Variants in MBD5 observed in about 807,000 individuals in gnomAD.
MBD5 encodes the protein methyl-CpG-binding domain protein 5.
Under a neutral mutation model 117.3 loss-of-function variants are expected in MBD5, and 13 were observed. The ratio of observed to expected loss-of-function variants is 0.11; its 90% CI spans 0.07 to 0.18. The LOEUF (loss-of-function observed/expected upper bound fraction) is 0.18. MBD5 is among the 10% of genes least tolerant of loss of function. The probability of loss-of-function intolerance (pLI) is 1.00; values close to 1 mark genes in which losing one functional copy is unlikely to be tolerated. For missense variants in MBD5, 1,879 were observed against 2,093.8 expected, an observed-to-expected ratio of 0.90 and a Z score of 2.00; for synonymous variants, 727 against 766.4, an observed-to-expected ratio of 0.95 and a Z score of 0.85.
chr2:148,217,009 C>T (rs1699573323), intron 2 of MBD5, among the ~76,000 whole-genome samples: 1 of 152,188 alleles, frequency 6.6e-6, no homozygotes, highest in South Asian at 2.1e-4. Flanking sequence ...AATGTTTATC[C>T]AGAAACTGCT....
chr2:148,286,764 A>T (rs1354071355), intron 3 of MBD5, among the ~76,000 whole-genome samples: 1 of 152,190 alleles, frequency 6.6e-6, no homozygotes, highest in Non-Finnish European at 1.5e-5. Context: ...CAGGACAAGG[A>T]ATCTAAATGA....
At chr2:148,409,248 C>T (rs866206889) in intron 4 of MBD5, among the ~76,000 whole-genome samples, 4 of 151,668 alleles carry the variant, frequency 2.6e-5, no homozygotes, top group African/African-American at 2.4e-5. Context: ...ATTAGCCAGA[C>T]GTTATGGCAC....
rs747948310 is a variant in MBD5 at position 148,490,229 on chromosome 2, G to A, written c.4597G>A (p.Gly1533Arg). The A allele has an allele frequency of 3.1e-6, 5 of 1,614,064 alleles. No individual in the cohort carries two copies. The highest frequency in any genetic ancestry group is 3.3e-5 in the Admixed American group (2 of 60,008). The change falls in exon 11 of 14, where the codon GGA becomes AGA. Residue 1533 changes from glycine (G) to arginine (R), a missense_variant. Around this residue, in one of 4 missense-constraint regions of MBD5, gnomAD observed 1,666 missense variants for 1,792.2 expected, o/e 0.93. Coordinates refer to ENST00000642680, the MANE Select transcript of MBD5 (RefSeq NM_001378120.1). Reference sequence around the variant, plus strand: ...TGGGAATAGACCTCGACAGAGTCGGGGATTTGGAGAGCTGCTAAGCACTGC... The same window carrying A: ...TGGGAATAGACCTCGACAGAGTCGGAGATTTGGAGAGCTGCTAAGCACTGC... ...INGNRPRQSR[G>R]FGELLSTAKQ...
chr2:148,085,786 A>G (rs917193420), intron 1 of MBD5, among the ~76,000 whole-genome samples: 1 of 152,230 alleles, frequency 6.6e-6, no homozygotes, highest in Admixed American at 6.5e-5. Context: ...GGTAATCATG[A>G]ACCATCCATA....
intron 1 of MBD5, among the ~76,000 whole-genome samples, chr2:148,032,100 A>G (rs1694054438): frequency 6.6e-6 from 1 of 152,084 alleles, no homozygotes; most frequent in African/African-American, 2.4e-5. Flanking sequence ...CTAAAATGTC[A>G]TAGTGAATTT....
chr2:148,059,802 C>A (rs1694977486), intron 1 of MBD5, among the ~76,000 whole-genome samples: 1 of 150,784 alleles, frequency 6.6e-6, no homozygotes, highest in South Asian at 2.1e-4. Context: ...GCCAAGATCG[C>A]GCCACTGCAC....
rs149166431 is a variant in MBD5 at position 148,333,607 on chromosome 2, C to T, written c.-679-8607C>T. Among the ~76,000 whole-genome samples the T allele has an allele frequency of 9.6e-3, 1,452 of 151,584 alleles. 20 individuals carry two copies. Among genetic ancestry groups the T allele is most frequent in the African/African-American group, 0.034 (1,388 of 41,282 alleles). On this transcript the variant is annotated intron_variant, in intron 3 of 13. Transcript: ENST00000642680. Reference sequence around the variant, plus strand: ...CTATAATCCCAGCACTTTGGGAGGCCGAGGCAGGTGGATCACTTGAGGTCA... The same window carrying T: ...CTATAATCCCAGCACTTTGGGAGGCTGAGGCAGGTGGATCACTTGAGGTCA...
rs779460414 is a variant in MBD5, at chr2:148,468,362, C to T, written c.419C>T (p.Ser140Phe). 2 of 1,613,570 alleles carry T rather than the reference C, an allele frequency of 1.2e-6. No homozygotes were observed. The highest frequency in any genetic ancestry group is 1.7e-6 in the Non-Finnish European group (2 of 1,179,744). Residue 140 changes from serine to phenylalanine, a missense_variant, in exon 8 of 14, where the codon TCT (serine) becomes TTT (phenylalanine). Transcript: ENST00000642680. The part of the protein sequence containing the change: ...GGTNATPVVP[S>F]RAATPRSVRN... ...TCAGATGCAACTCCAGTAGTACCTT[C>T]TCGGGCAGCAACTCCAAGATCAGTA... is the stretch of plus-strand genomic sequence containing the variant.
intron 3 of MBD5, among the ~76,000 whole-genome samples, chr2:148,262,995 T>G (rs1248187864): frequency 6.6e-6 from 1 of 152,192 alleles, no homozygotes; most frequent in Non-Finnish European, 1.5e-5. Flanking sequence ...TTCTGATACA[T>G]GAACACTGAG....
chr2:148,411,253 C>G (rs1201104861), intron 4 of MBD5, among the ~76,000 whole-genome samples: 1 of 152,034 alleles, frequency 6.6e-6, no homozygotes, highest in African/African-American at 2.4e-5. Context: ...TTAATCCAGT[C>G]TACTATTGAT....
intron 2 of MBD5, among the ~76,000 whole-genome samples, chr2:148,205,751 T>G (rs929793661): frequency 6.6e-6 from 1 of 152,116 alleles, no homozygotes; most frequent in African/African-American, 2.4e-5. Context: ...ATAGGCAGGC[T>G]GCAATGGCTC....
chr2:148,328,139 T>C (rs1354214263), intron 3 of MBD5, among the ~76,000 whole-genome samples: 20 of 152,302 alleles, frequency 1.3e-4, no homozygotes, highest in Admixed American at 3.3e-4. Context: ...GGGTGCCTCC[T>C]AGTTAGGCTG....
At chr2:148,267,721 G>A (rs749526684) in intron 3 of MBD5, among the ~76,000 whole-genome samples, 1 of 151,774 alleles carries the variant, frequency 6.6e-6, no homozygotes, top group Non-Finnish European at 1.5e-5. Flanking sequence ...ATGTTTGTTT[G>A]CTTTTACGTG....
chr2:148,099,556 A>T (rs1215754786), intron 1 of MBD5, among the ~76,000 whole-genome samples: 1 of 152,196 alleles, frequency 6.6e-6, no homozygotes, highest in Non-Finnish European at 1.5e-5. Context: ...GAGGTTCTAC[A>T]GACTTGGGTA....
At chr2:148,510,896 G>A (rs377344988) in intron 13 of MBD5, among the ~76,000 whole-genome samples, 2 of 152,078 alleles carry the variant, frequency 1.3e-5, no homozygotes, top group South Asian at 4.1e-4. Context: ...TCTAGATTGG[G>A]GATTATAAAC....
At chr2:148,441,882 C>A (rs573225938) in intron 4 of MBD5, among the ~76,000 whole-genome samples, 2 of 152,114 alleles carry the variant, frequency 1.3e-5, no homozygotes, top group African/African-American at 4.8e-5. Flanking sequence ...TTTCATGTGT[C>A]TTTTGGCTGC....
intron 3 of MBD5, chr2:148,260,529 T>C (rs531352728): frequency 3.2e-4 from 54 of 169,900 alleles, no homozygotes; most frequent in African/African-American, 1.2e-3. Context: ...AATGTTGATA[T>C]TTTGACCTCT....
At chr2:148,396,602 T>C (rs1704721738) in intron 4 of MBD5, among the ~76,000 whole-genome samples, 1 of 152,356 alleles carries the variant, frequency 6.6e-6, no homozygotes, top group East Asian at 1.9e-4. Flanking sequence ...ATTTCCAACC[T>C]AGACTTATTC....
At chr2:148,045,855 C>T (rs149513095) in intron 1 of MBD5, among the ~76,000 whole-genome samples, 273 of 152,160 alleles carry the variant, frequency 1.8e-3, no homozygotes, top group African/African-American at 5.6e-3. Flanking sequence ...TTGAAAACTT[C>T]CCCTCTTAAT....
Sources: gnomAD v4.1 joint callset for allele counts (sites outside exome capture counted in the v4.1 genomes callset) on GRCh38, gnomAD v4.1.1 for gene constraint, gnomAD v4.1.1 regional missense constraint, MANE v1.5 for transcripts, NCBI Gene and HGNC (gene_info 2026-07-23, HGNC 2026-07-21) for gene names.